Variants in TMEM236 observed in about 807,000 individuals in gnomAD.
TMEM236 encodes the protein transmembrane protein 236, also known as family with sequence similarity 23, member A.
TMEM236 carries 11 observed loss-of-function variants against 14.7 expected under a neutral mutation model. That is an observed-to-expected ratio of 0.75 (90% CI 0.47 to 1.24). TMEM236 has a LOEUF of 1.24. Ranked by LOEUF, TMEM236 falls within the 50% of genes most tolerant of loss-of-function variation. The probability of loss-of-function intolerance (pLI) is 0.00; values close to 1 mark genes in which losing one functional copy is unlikely to be tolerated. For synonymous variants in TMEM236, 182 were observed against 168.6 expected, an observed-to-expected ratio of 1.08 and a Z score of -0.62; for missense variants, 464 against 427.3, an observed-to-expected ratio of 1.09 and a Z score of -0.76.
At chr10:17,780,120 G>C (rs1052516828) in intron 3 of TMEM236, among the ~76,000 whole-genome samples, 11,571 of 152,116 alleles carry the variant, frequency 0.076, 463 homozygotes, top group African/African-American at 0.089. Flanking sequence ...TTCAGGTAGT[G>C]GCCATTCTAC....
chr10:17,771,970 G>T (rs1192208640), intron 2 of TMEM236, among the ~76,000 whole-genome samples: 6 of 152,160 alleles, frequency 3.9e-5, no homozygotes, highest in African/African-American at 1.4e-4. Flanking sequence ...TTATTGATTT[G>T]CAAGGTGCTG....
At chr10:17,772,436 A>G (rs1447931217) in intron 2 of TMEM236, among the ~76,000 whole-genome samples, 1 of 152,180 alleles carries the variant, frequency 6.6e-6, no homozygotes, top group Non-Finnish European at 1.5e-5. Flanking sequence ...GACCTTGTAA[A>G]TCATTTGGAA....
chr10:17,760,542 C>T (rs1033212156), intron 1 of TMEM236, among the ~76,000 whole-genome samples: 30 of 152,212 alleles, frequency 2.0e-4, no homozygotes, highest in African/African-American at 7.0e-4. Flanking sequence ...TTAAGCTATC[C>T]ACATTTCCTT....
chr10:17,792,236 C>T (rs1837937241), intron 3 of TMEM236, among the ~76,000 whole-genome samples: 1 of 152,112 alleles, frequency 6.6e-6, no homozygotes, highest in Non-Finnish European at 1.5e-5. Context: ...TACACACGTG[C>T]ACCAATGTGC....
At chr10:17,761,618 C>T (rs888855789) in intron 1 of TMEM236, among the ~76,000 whole-genome samples, 8 of 145,976 alleles carry the variant, frequency 5.5e-5, no homozygotes, top group African/African-American at 7.7e-5. Context: ...CGCTGGAACC[C>T]GGGAGGCAGA....
chr10:17,794,709 T>C (rs35701218), intron 3 of TMEM236, among the ~76,000 whole-genome samples: 18,589 of 152,200 alleles, frequency 0.12, 1,253 homozygotes, highest in East Asian at 0.23. Flanking sequence ...GGATTCAGCA[T>C]GTCACTCTTC....
chr10:17,787,705 A>C (rs914860828), intron 3 of TMEM236, among the ~76,000 whole-genome samples: 1 of 152,224 alleles, frequency 6.6e-6, no homozygotes, highest in Non-Finnish European at 1.5e-5. Flanking sequence ...AAAGCTGAGC[A>C]GAAACAGGCG....
chr10:17,775,893 T>G, intron 2 of TMEM236, 136 bp from the exon 3 acceptor site: 1 of 1,073,084 alleles, frequency 9.3e-7, no homozygotes, highest in Non-Finnish European at 1.4e-6. Flanking sequence ...TAAAACCTGA[T>G]GAGTTAAAAA....
intron 1 of TMEM236, among the ~76,000 whole-genome samples, chr10:17,757,598 C>CAAAAAAAA (rs143988279): frequency 2.3e-4 from 23 of 98,704 alleles, no homozygotes; most frequent in African/African-American, 8.2e-4. Flanking sequence ...AACCCTGTCT[C>CAAAAAAAA]AAAAAAAAAA....
intron 2 of TMEM236, 112 bp downstream of exon 2, chr10:17,771,493 C>T: frequency 2.0e-6 from 2 of 1,006,244 alleles, no homozygotes; most frequent in Non-Finnish European, 3.2e-6. Flanking sequence ...CTATGTAATC[C>T]AATCTTCTTC....
intron 1 of TMEM236, among the ~76,000 whole-genome samples, chr10:17,755,106 TG>T (rs1332464281): frequency 6.8e-6 from 1 of 146,148 alleles, no homozygotes; most frequent in Non-Finnish European, 1.5e-5. Context: ...TCCCGGCTAA[TG>T]TTTTTTTTTT....
intron 1 of TMEM236, among the ~76,000 whole-genome samples, chr10:17,768,394 A>G (rs1837510354): frequency 1.3e-5 from 2 of 152,054 alleles, no homozygotes; most frequent in South Asian, 4.1e-4. Flanking sequence ...ACTGTATACA[A>G]TTTTTTTAAA....
chr10:17,774,220 T>G (rs1043660635), intron 2 of TMEM236, among the ~76,000 whole-genome samples: 2,971 of 152,194 alleles, frequency 0.02, 83 homozygotes, highest in African/African-American at 0.067. Context: ...AATGTTTGTA[T>G]TTTTAATAGA....
chr10:17,786,834 G>T (rs1443317830), intron 3 of TMEM236, among the ~76,000 whole-genome samples: 1 of 152,202 alleles, frequency 6.6e-6, no homozygotes, highest in Non-Finnish European at 1.5e-5. Context: ...CCAGGGGGAG[G>T]TAATTGAATC....
At chr10:17,771,213 A>T in intron 1 of TMEM236, 96 bp from the exon 2 acceptor site, 1 of 1,102,242 alleles carries the variant, frequency 9.1e-7, no homozygotes, top group Non-Finnish European at 1.4e-6. Context: ...GAAAAACTAT[A>T]GATGAATGGA....
intron 2 of TMEM236, among the ~76,000 whole-genome samples, chr10:17,774,864 C>G: frequency 6.6e-6 from 1 of 151,274 alleles, no homozygotes; most frequent in Non-Finnish European, 1.5e-5. Context: ...ATGGCATGAT[C>G]TCAGCTCACT....
intron 1 of TMEM236, among the ~76,000 whole-genome samples, chr10:17,770,485 G>A (rs1040640197): frequency 5.3e-5 from 8 of 152,192 alleles, no homozygotes; most frequent in Non-Finnish European, 7.4e-5. Context: ...CCGGGTTCAC[G>A]CCGTTCTCCT....
chr10:17,757,345 C>T (rs1307708335), intron 1 of TMEM236, among the ~76,000 whole-genome samples: 1 of 152,126 alleles, frequency 6.6e-6, no homozygotes, highest in Non-Finnish European at 1.5e-5. Flanking sequence ...TGCCTGTAAT[C>T]CCAAGACTTT....
chr10:17,774,673 T>G (rs1837629489), intron 2 of TMEM236, among the ~76,000 whole-genome samples: 1 of 152,250 alleles, frequency 6.6e-6, no homozygotes, highest in African/African-American at 2.4e-5. Flanking sequence ...TTCCTGCCTT[T>G]TTAATTTTCA....
Sources: gnomAD v4.1 joint callset for allele counts (sites outside exome capture counted in the v4.1 genomes callset) on GRCh38, gnomAD v4.1.1 for gene constraint, MANE v1.5 for transcripts, NCBI Gene and HGNC (gene_info 2026-07-23, HGNC 2026-07-21) for gene names.